The following KIAA0513 variants were observed in gnomAD, a reference collection of about 807,000 sequenced individuals.
The protein encoded by KIAA0513 is uncharacterized protein KIAA0513.
Under a neutral mutation model 56.5 loss-of-function variants are expected in KIAA0513, and 39 were observed. The observed-to-expected ratio is 0.69, with a 90% confidence interval of 0.53 to 0.90. KIAA0513 has a LOEUF of 0.90. Ranked by LOEUF, KIAA0513 falls within the 40% of genes least tolerant of loss-of-function variation. The pLI is 0.00. For missense variants in KIAA0513, 591 were observed against 535.2 expected, an observed-to-expected ratio of 1.10 and a Z score of -1.03; for synonymous variants, 268 against 215.6, an observed-to-expected ratio of 1.24 and a Z score of -2.13.
intron 1 of KIAA0513, among the ~76,000 whole-genome samples, chr16:85,032,240 G>A (rs1460592543): frequency 6.6e-6 from 1 of 152,212 alleles, no homozygotes; most frequent in African/African-American, 2.4e-5. Flanking sequence ...GTCCCTGCAT[G>A]TTTGTCTCCA....
chr16:85,079,691 T>C (rs1262227472), intron 8 of KIAA0513: 1 of 152,158 alleles, frequency 6.6e-6, no homozygotes, highest in Non-Finnish European at 1.5e-5. Context: ...CTTTATGGGG[T>C]GAGAGAATGT....
intron 1 of KIAA0513, among the ~76,000 whole-genome samples, chr16:85,038,160 A>C (rs536073059): frequency 2.4e-4 from 37 of 152,122 alleles, no homozygotes; most frequent in Non-Finnish European, 3.8e-4. Flanking sequence ...CCACTGGGCC[A>C]CACTATGTCG....
At chr16:85,031,704 C>T (rs2072967022) in intron 1 of KIAA0513, among the ~76,000 whole-genome samples, 1 of 152,216 alleles carries the variant, frequency 6.6e-6, no homozygotes, top group African/African-American at 2.4e-5. Context: ...CTGTTCCTCC[C>T]CTTTCCATGG....
rs1012905741 is a variant in KIAA0513, at chr16:85,076,063, C to T, written c.574+149C>T. The T allele has an allele frequency of 1.1e-5, 7 of 635,224 alleles. No homozygotes were observed. Among genetic ancestry groups the T allele is most frequent in the South Asian group, 1.8e-5 (1 of 54,314 alleles). 39.3% of individuals were successfully genotyped at this position (635,224 alleles called of 1,614,324 possible). On this transcript the variant is annotated intron_variant, in intron 5 of 12. Transcript: ENST00000683363. The surrounding 1 kb of genome is among the most constrained non-coding windows in gnomAD (Gnocchi z 4.7). ...CTGATGTTAGGGAGGAGTGAGACTT[C>T]GGAGAAAACACAGTCCGAATCATGG...
chr16:85,067,008 G>A lies in KIAA0513; in HGVS notation c.-64G>A, dbSNP rs371889034. 2.1e-6 allele frequency: 3 copies of A among 1,420,296 alleles called. No homozygotes were observed. The African/African-American group carries it at 4.3e-5, about 20-fold the overall frequency. 88.0% of individuals were successfully genotyped at this position (1,420,296 alleles called of 1,614,324 possible). On this transcript the variant is annotated 5_prime_UTR_variant, in exon 2 of 13. Transcript: ENST00000683363. ...CCTACTAACGCACCTGGGACACCAG[G>A]CTGCTGGGCTCCCCTCTAGGCAGCC...
At chr16:85,064,757 G>A (rs2073454181) in intron 1 of KIAA0513, among the ~76,000 whole-genome samples, 1 of 152,004 alleles carries the variant, frequency 6.6e-6, no homozygotes, top group Non-Finnish European at 1.5e-5. Context: ...ACCATCTCGG[G>A]TCACTGCAAC....
chr16:85,045,253 C>T (rs2073156347), intron 1 of KIAA0513, among the ~76,000 whole-genome samples: 1 of 152,194 alleles, frequency 6.6e-6, no homozygotes, highest in South Asian at 2.1e-4. Flanking sequence ...CTGGGGCTAC[C>T]ACACATGCCT....
At chr16:85,057,716 G>C (rs977106080) in intron 1 of KIAA0513, among the ~76,000 whole-genome samples, 1 of 152,070 alleles carries the variant, frequency 6.6e-6, no homozygotes, top group African/African-American at 2.4e-5. Flanking sequence ...CCGTATGCCA[G>C]TGCCTGGTTT....
At chr16:85,073,818 C>T (rs2073615422) in intron 4 of KIAA0513, among the ~76,000 whole-genome samples, 1 of 152,234 alleles carries the variant, frequency 6.6e-6, no homozygotes, top group Non-Finnish European at 1.5e-5. Context: ...CCCACGTCCC[C>T]TCCTGGTCCT....
rs530296331 is a variant in KIAA0513 at position 85,056,692 on chromosome 16, T to A, written c.-172-10208T>A. Among the ~76,000 whole-genome samples the A allele has an allele frequency of 5.3e-4, 80 of 152,258 alleles. No homozygotes were observed. The South Asian group carries it at 0.015, about 28-fold the overall frequency. ...GGCCCCCTCTGCTCAATTGCCCAAT[T>A]ATTTAGATGCTTGTCTTCTTGTTTT... On this transcript the variant is annotated intron_variant, in intron 1 of 12. Transcript: ENST00000683363.
intron 10 of KIAA0513, among the ~76,000 whole-genome samples, chr16:85,085,792 T>G (rs2073801062): frequency 1.3e-5 from 2 of 152,196 alleles, no homozygotes; most frequent in African/African-American, 2.4e-5. Context: ...ACCCTCCCAC[T>G]TCAGGCCTTG....
intron 6 of KIAA0513, among the ~76,000 whole-genome samples, chr16:85,078,046 G>C (rs908430113): frequency 6.6e-6 from 1 of 152,108 alleles, no homozygotes; most frequent in Non-Finnish European, 1.5e-5. Flanking sequence ...CTTTGGGGAC[G>C]GGCACATCAG....
Position 85,091,447 on chromosome 16 carries a change from CAAAA to C in KIAA0513, c.*3123_*3126del. On this transcript the variant is annotated 3_prime_UTR_variant, in exon 13 of 13. Coordinates refer to ENST00000683363, the MANE Select transcript of KIAA0513 (RefSeq NM_001388359.1). ...GTAGACTGTATGATTTTCCTATTGC[CAAAA>C]GAAAGAAAGGGGGCCAAACAGCTCT... is the stretch of plus-strand genomic sequence containing the variant. 6.6e-6 allele frequency: 1 copy of C among 152,216 alleles called. No individual in the cohort carries two copies. 9.4% of individuals were successfully genotyped at this position (152,216 alleles called of 1,614,324 possible).
intron 1 of KIAA0513, among the ~76,000 whole-genome samples, chr16:85,052,151 C>G (rs917732850): frequency 1.1e-4 from 16 of 152,034 alleles, no homozygotes; most frequent in African/African-American, 3.4e-4. Flanking sequence ...GAAACCCCGT[C>G]TCTACTAAAA....
chr16:85,034,358 C>T (rs965689339), intron 1 of KIAA0513, among the ~76,000 whole-genome samples: 3 of 151,980 alleles, frequency 2.0e-5, no homozygotes, highest in African/African-American at 4.8e-5. Context: ...CCAGTCTGGG[C>T]GACAAGAGGG....
Position 85,067,019 on chromosome 16 carries a change from C to G in KIAA0513, c.-53C>G. The G allele has an allele frequency of 8.2e-6, 12 of 1,461,504 alleles. No individual in the cohort carries two copies. The highest frequency in any genetic ancestry group is 1.1e-5 in the Non-Finnish European group (12 of 1,097,078). 90.5% of individuals were successfully genotyped at this position (1,461,504 alleles called of 1,614,324 possible). On this transcript the variant is annotated 5_prime_UTR_variant, in exon 2 of 13. Coordinates refer to ENST00000683363, the MANE Select transcript of KIAA0513 (RefSeq NM_001388359.1). ...ACCTGGGACACCAGGCTGCTGGGCTCCCCTCTAGGCAGCCTCCCCTCCAGG... is the reference window on the plus strand; with the variant it reads ...ACCTGGGACACCAGGCTGCTGGGCTGCCCTCTAGGCAGCCTCCCCTCCAGG...
In KIAA0513 at chr16:85,032,468, G is replaced by A. The variant is rs533269645; in HGVS notation, c.-173+4610G>A. ...CTGCCTCAGCCTCCCATGTAGCTGG[G>A]ATTACAGGTGTGTGCCACCACGCCT... On this transcript the variant is annotated intron_variant, in intron 1 of 12. Coordinates refer to ENST00000683363, the MANE Select transcript of KIAA0513 (RefSeq NM_001388359.1). Among the ~76,000 whole-genome samples the A allele has an allele frequency of 1.2e-4, 19 of 152,324 alleles. No homozygotes were observed. In the South Asian group the frequency reaches 3.7e-3, roughly 30 times the overall value.
At position 85,092,936 on chromosome 16, in the gene KIAA0513, C is replaced by T. The variant is rs1458067712; in HGVS notation, c.*4611C>T. 6.6e-6 allele frequency: 1 copy of T among 152,324 alleles called. No homozygotes were observed. The highest frequency in any genetic ancestry group is 1.9e-4 in the East Asian group (1 of 5,182). The allele number at this position is 152,324 out of a possible 1,614,324, so 9.4% of individuals were successfully genotyped here. ...CAAGACTGTTCTCCTGCGGCCAACACTGGCCCGGAAGCCGCCCTCCATACA... is the reference window on the plus strand; with the variant it reads ...CAAGACTGTTCTCCTGCGGCCAACATTGGCCCGGAAGCCGCCCTCCATACA... On this transcript the variant is annotated 3_prime_UTR_variant, in exon 13 of 13. Coordinates refer to ENST00000683363, the MANE Select transcript of KIAA0513 (RefSeq NM_001388359.1).
chr16:85,046,412 C>G (rs2073171992), intron 1 of KIAA0513, among the ~76,000 whole-genome samples: 1 of 152,262 alleles, frequency 6.6e-6, no homozygotes, highest in Non-Finnish European at 1.5e-5. Flanking sequence ...CTCCCACCTC[C>G]TTTCCCACAT....
Sources: allele counts gnomAD v4.1 joint callset (sites outside exome capture counted in the v4.1 genomes callset), GRCh38; gene constraint gnomAD v4.1.1; non-coding constraint Gnocchi (gnomAD v3.1); transcripts MANE v1.5; gene names NCBI Gene and HGNC (gene_info 2026-07-23, HGNC 2026-07-21).